Variants in OPCML observed in about 807,000 individuals in gnomAD.
OPCML encodes the protein opioid-binding protein/cell adhesion molecule.
OPCML carries 13 observed loss-of-function variants against 37.8 expected under a neutral mutation model. The observed-to-expected ratio is 0.34, with a 90% CI of 0.22 to 0.55. OPCML has a LOEUF of 0.55. Among genes scored for constraint, OPCML ranks in the 20% least tolerant of loss-of-function variants. The pLI is 0.91. For missense variants in OPCML, 341 were observed against 435.6 expected, an observed-to-expected ratio of 0.78 and a Z score of 1.93; for synonymous variants, 176 against 168.8, an observed-to-expected ratio of 1.04 and a Z score of -0.33.
chr11:132,965,545 T>C (rs1287961367), intron 1 of OPCML, among the ~76,000 whole-genome samples: 1 of 152,184 alleles, frequency 6.6e-6, no homozygotes, highest in African/African-American at 2.4e-5. Flanking sequence ...GTTTGTTTGT[T>C]TTCTTTTTGA....
At chr11:132,523,384 G>A (rs2096299211) in intron 4 of OPCML, among the ~76,000 whole-genome samples, 1 of 137,604 alleles carries the variant, frequency 7.3e-6, no homozygotes, top group Admixed American at 7.4e-5. Flanking sequence ...CCCCAGACAG[G>A]TGTCATCAGT....
chr11:133,326,488 G>C (rs1319068395), intron 1 of OPCML, among the ~76,000 whole-genome samples: 2 of 141,310 alleles, frequency 1.4e-5, no homozygotes, highest in African/African-American at 5.4e-5. Flanking sequence ...GTATGAGGGG[G>C]TGTGGGTGTG....
intron 3 of OPCML, among the ~76,000 whole-genome samples, chr11:132,558,918 T>C (rs6590645): frequency 0.63 from 96,184 of 151,790 alleles, 30,897 homozygotes; most frequent in African/African-American, 0.72. Flanking sequence ...ATTCCATTCA[T>C]GTGCCCCCAT....
At chr11:132,583,280 T>C (rs2096465925) in intron 3 of OPCML, among the ~76,000 whole-genome samples, 1 of 152,094 alleles carries the variant, frequency 6.6e-6, no homozygotes, top group Non-Finnish European at 1.5e-5. Context: ...AAGATTATTA[T>C]GCTTAGGCTA....
chr11:132,435,509 C>A (rs1329002910), intron 7 of OPCML, among the ~76,000 whole-genome samples: 1 of 152,174 alleles, frequency 6.6e-6, no homozygotes, highest in Non-Finnish European at 1.5e-5. Flanking sequence ...GTTAGGGAGA[C>A]ATAGGGGCTT....
intron 1 of OPCML, among the ~76,000 whole-genome samples, chr11:133,391,690 A>G (rs548584362): frequency 1.3e-4 from 20 of 152,378 alleles, no homozygotes; most frequent in African/African-American, 4.8e-4. Flanking sequence ...GCACTCTCAG[A>G]AAAGCAATGT....
chr11:132,704,131 G>T (rs1943940891), intron 2 of OPCML, among the ~76,000 whole-genome samples: 1 of 152,118 alleles, frequency 6.6e-6, no homozygotes, highest in East Asian at 1.9e-4. Flanking sequence ...AAAACCTAGA[G>T]CCTGAGTCCA....
At chr11:132,810,244 A>C (rs1939263859) in intron 2 of OPCML, among the ~76,000 whole-genome samples, 1 of 152,190 alleles carries the variant, frequency 6.6e-6, no homozygotes, top group African/African-American at 2.4e-5. Flanking sequence ...GTGGACATGA[A>C]AGGGCAGGTC....
chr11:132,711,859 ATTCT>A (rs1225727706), intron 2 of OPCML, among the ~76,000 whole-genome samples: 3 of 152,142 alleles, frequency 2.0e-5, no homozygotes, highest in Admixed American at 1.3e-4. Flanking sequence ...TTCCAATGTA[ATTCT>A]TTCTTAAAAT....
At chr11:132,701,766 G>T (rs1943827940) in intron 2 of OPCML, among the ~76,000 whole-genome samples, 1 of 69,796 alleles carries the variant, frequency 1.4e-5, no homozygotes, top group African/African-American at 7.8e-5. Context: ...TGATGATTGT[G>T]TGTGTGTGTG....
chr11:133,492,712 C>A (rs558771655), intron 1 of OPCML, among the ~76,000 whole-genome samples: 208 of 126,538 alleles, frequency 1.6e-3, no homozygotes, highest in South Asian at 1.9e-3. Context: ...CAATTACTGC[C>A]AAAAAAAAAA....
At chr11:133,155,613 C>T (rs572395648) in intron 1 of OPCML, among the ~76,000 whole-genome samples, 8 of 152,246 alleles carry the variant, frequency 5.3e-5, no homozygotes, top group East Asian at 1.9e-4. Context: ...TTAACTATGC[C>T]GAGCAGGCTA....
chr11:133,451,937 A>G (rs1049666956), intron 1 of OPCML, among the ~76,000 whole-genome samples: 6 of 151,624 alleles, frequency 4.0e-5, no homozygotes, highest in African/African-American at 1.5e-4. Context: ...AAAGGACTCC[A>G]CAATGATTCC....
At chr11:133,295,408 G>A (rs1035407169) in intron 1 of OPCML, among the ~76,000 whole-genome samples, 2 of 152,248 alleles carry the variant, frequency 1.3e-5, no homozygotes, top group Middle Eastern at 3.4e-3. Flanking sequence ...GCTTTACACC[G>A]ATCTGAACTT....
At chr11:132,979,361 C>T (rs887235537) in intron 1 of OPCML, among the ~76,000 whole-genome samples, 5 of 152,220 alleles carry the variant, frequency 3.3e-5, no homozygotes, top group African/African-American at 9.6e-5. Flanking sequence ...TGTCTGACCT[C>T]TCCTCCTCTC....
At chr11:132,715,114 T>C (rs1944421370) in intron 2 of OPCML, among the ~76,000 whole-genome samples, 1 of 152,202 alleles carries the variant, frequency 6.6e-6, no homozygotes, top group Admixed American at 6.5e-5. Flanking sequence ...ACTCCACTGC[T>C]CCTCACTCTT....
intron 1 of OPCML, among the ~76,000 whole-genome samples, chr11:133,245,372 T>G (rs1361631465): frequency 6.6e-6 from 1 of 152,212 alleles, no homozygotes; most frequent in African/African-American, 2.4e-5. Context: ...AGACCAATAT[T>G]AAAATGAGTC....
At chr11:133,235,808 G>A (rs1940487884) in intron 1 of OPCML, among the ~76,000 whole-genome samples, 1 of 152,162 alleles carries the variant, frequency 6.6e-6, no homozygotes, top group African/African-American at 2.4e-5. Flanking sequence ...GGGGAGTCAG[G>A]TATCAGATCT....
At chr11:133,098,986 T>G (rs1322318187) in intron 1 of OPCML, among the ~76,000 whole-genome samples, 2 of 152,154 alleles carry the variant, frequency 1.3e-5, no homozygotes, top group African/African-American at 2.4e-5. Context: ...TTACAGGATG[T>G]AAGGTTAATA....
Sources: allele counts gnomAD v4.1 joint callset (sites outside exome capture counted in the v4.1 genomes callset), GRCh38; gene constraint gnomAD v4.1.1; transcripts MANE v1.5; gene names NCBI Gene and HGNC (gene_info 2026-07-23, HGNC 2026-07-21).